The following ZNF423 variants were observed in gnomAD, a reference collection of about 807,000 sequenced individuals.
The protein encoded by ZNF423 is zinc finger protein 423, also known as Ebf-associated zinc finger protein.
In ZNF423, 12 loss-of-function variants were observed where a neutral mutation model predicts 95.8. The observed-to-expected ratio is 0.13, with a 90% confidence interval of 0.08 to 0.20. The LOEUF is 0.20. Among genes scored for constraint, ZNF423 ranks in the 10% least tolerant of loss-of-function variants. The pLI is 1.00. For missense variants in ZNF423, 1,316 were observed against 1,737.1 expected (o/e 0.76, Z 4.31); for synonymous variants, 749 against 711.9 (o/e 1.05, Z -0.83).
chr16:49,552,916 C>T (rs888358778), intron 5 of ZNF423, among the ~76,000 whole-genome samples: 1 of 151,960 alleles, frequency 6.6e-6, no homozygotes, highest in Non-Finnish European at 1.5e-5. Context: ...CCCACCTGGA[C>T]CCGCTCTACC....
intron 7 of ZNF423, among the ~76,000 whole-genome samples, chr16:49,509,069 T>C (rs538650083): frequency 6.6e-6 from 1 of 152,354 alleles, no homozygotes; most frequent in Non-Finnish European, 1.5e-5. Flanking sequence ...CTGCTCTTTA[T>C]ATATTATCTT....
intron 3 of ZNF423, among the ~76,000 whole-genome samples, chr16:49,648,708 T>C (rs751818194): frequency 2.0e-5 from 3 of 151,384 alleles, no homozygotes; most frequent in African/African-American, 4.9e-5. Context: ...CAAGAAAGCA[T>C]GCTCCGGAGA....
At chr16:49,583,841 A>G (rs937542005) in intron 5 of ZNF423, among the ~76,000 whole-genome samples, 5 of 152,238 alleles carry the variant, frequency 3.3e-5, no homozygotes, top group Non-Finnish European at 7.3e-5. Context: ...AAAGTTGGGA[A>G]TCCAAATGTT....
intron 5 of ZNF423, among the ~76,000 whole-genome samples, chr16:49,553,415 T>C (rs1359372239): frequency 2.0e-5 from 3 of 151,430 alleles, no homozygotes; most frequent in African/African-American, 7.3e-5. Context: ...AATGCAATCA[T>C]AGCTCACCGA....
intron 5 of ZNF423, among the ~76,000 whole-genome samples, chr16:49,558,625 A>G (rs1186015351): frequency 3.3e-5 from 5 of 152,128 alleles, no homozygotes; most frequent in Non-Finnish European, 7.3e-5. Context: ...CATCAGCCCA[A>G]TTCTGCTAAG....
chr16:49,702,905 ACACG>A (rs948582121), intron 3 of ZNF423, among the ~76,000 whole-genome samples: 12 of 105,556 alleles, frequency 1.1e-4, no homozygotes, highest in African/African-American at 3.7e-4. Context: ...GCCTGTGTGC[ACACG>A]CACACACACA....
intron 2 of ZNF423, among the ~76,000 whole-genome samples, chr16:49,777,693 G>A (rs903499875): frequency 2.0e-5 from 3 of 152,140 alleles, no homozygotes; most frequent in African/African-American, 7.2e-5. Context: ...GCGTGCCCTA[G>A]ACTCAGACAA....
chr16:49,854,433 G>A, intron 1 of ZNF423: 30 of 985,470 alleles, frequency 3.0e-5, no homozygotes, highest in Non-Finnish European at 3.5e-5. Context: ...AAGGCTGGCA[G>A]GAAGGGAGCG....
chr16:49,740,412 A>G (rs2033390803), intron 2 of ZNF423, among the ~76,000 whole-genome samples: 1 of 152,052 alleles, frequency 6.6e-6, no homozygotes. Context: ...ACCAACCCCA[A>G]TTCCGCACTC....
intron 1 of ZNF423, among the ~76,000 whole-genome samples, chr16:49,791,486 C>T (rs1423125022): frequency 6.6e-6 from 1 of 152,174 alleles, no homozygotes; most frequent in Non-Finnish European, 1.5e-5. Context: ...TACTTACACG[C>T]ACACATGTAA....
At chr16:49,662,352 T>A (rs1312484984) in intron 3 of ZNF423, among the ~76,000 whole-genome samples, 2 of 152,198 alleles carry the variant, frequency 1.3e-5, no homozygotes, top group East Asian at 3.9e-4. Flanking sequence ...GAGGGCCTGC[T>A]GACCTCCTCT....
At chr16:49,641,249 G>A (rs1226194440) in intron 3 of ZNF423, among the ~76,000 whole-genome samples, 1 of 152,200 alleles carries the variant, frequency 6.6e-6, no homozygotes, top group Non-Finnish European at 1.5e-5. Context: ...CCACATTCAG[G>A]CCCCTTGATC....
At chr16:49,818,779 C>A (rs1052915083) in intron 1 of ZNF423, among the ~76,000 whole-genome samples, 1 of 151,952 alleles carries the variant, frequency 6.6e-6, no homozygotes. Flanking sequence ...CCCAGCTACT[C>A]CAGAGGCTGA....
chr16:49,645,260 G>A (rs111589461), intron 3 of ZNF423, among the ~76,000 whole-genome samples: 5 of 152,160 alleles, frequency 3.3e-5, no homozygotes, highest in Non-Finnish European at 5.9e-5. Flanking sequence ...CCTAAGCTCA[G>A]AGGAATGGGA....
At chr16:49,551,222 C>G (rs1969622495) in intron 5 of ZNF423, among the ~76,000 whole-genome samples, 1 of 152,242 alleles carries the variant, frequency 6.6e-6, no homozygotes, top group Admixed American at 6.5e-5. Flanking sequence ...ACTAAGAAAA[C>G]AGCATTTCTT....
chr16:49,666,494 C>T (rs940965994), intron 3 of ZNF423, among the ~76,000 whole-genome samples: 8 of 152,224 alleles, frequency 5.3e-5, no homozygotes, highest in Admixed American at 2.6e-4. Flanking sequence ...CATACATGCA[C>T]GGTTGCCTAT....
At chr16:49,788,405 T>C (rs1213063051) in intron 2 of ZNF423, among the ~76,000 whole-genome samples, 1 of 152,256 alleles carries the variant, frequency 6.6e-6, no homozygotes, top group East Asian at 1.9e-4. Context: ...AACTCAGTTT[T>C]TTCACTTAAA....
intron 1 of ZNF423, among the ~76,000 whole-genome samples, chr16:49,829,298 G>C (rs2035038123): frequency 6.6e-6 from 1 of 152,172 alleles, no homozygotes; most frequent in Admixed American, 6.5e-5. Context: ...GGCTGGGCTA[G>C]ATACCCCTGA....
chr16:49,816,820 G>A (rs1472484340), intron 1 of ZNF423, among the ~76,000 whole-genome samples: 2 of 152,144 alleles, frequency 1.3e-5, no homozygotes, highest in Non-Finnish European at 2.9e-5. Flanking sequence ...TATTGTAAAT[G>A]TCTTAGTCTA....
Sources: allele counts gnomAD v4.1 joint callset (sites outside exome capture counted in the v4.1 genomes callset), GRCh38; gene constraint gnomAD v4.1.1; transcripts MANE v1.5; gene names NCBI Gene and HGNC (gene_info 2026-07-23, HGNC 2026-07-21).